USH2A: variants seen among roughly 807,000 people sequenced by gnomAD.
USH2A encodes the protein usherin, also known as Usher syndrome 2A (autosomal recessive, mild).
In USH2A, 443 loss-of-function variants were observed where a neutral mutation model predicts 538.9. That is an observed-to-expected ratio of 0.82 (90% CI 0.76 to 0.89). USH2A has a LOEUF of 0.89. Among genes scored for constraint, USH2A ranks in the 40% least tolerant of loss-of-function variants. USH2A has a pLI of 0.00. For missense variants in USH2A, 6,633 were observed against 6,324.8 expected (o/e 1.05, Z -1.65); for synonymous variants, 2,413 against 2,273.5 (o/e 1.06, Z -1.75).
intron 4 of USH2A, among the ~76,000 whole-genome samples, chr1:216,343,067 A>G (rs759551271): frequency 1.3e-5 from 2 of 152,098 alleles, no homozygotes; most frequent in Non-Finnish European, 2.9e-5. Context: ...TCAAGTTATT[A>G]AGACTAGCTG....
At chr1:216,185,613 T>C (rs1428352908) in intron 20 of USH2A, among the ~76,000 whole-genome samples, 1 of 151,906 alleles carries the variant, frequency 6.6e-6, no homozygotes, top group Non-Finnish European at 1.5e-5. Flanking sequence ...CCATTGGAGT[T>C]CATTGGAATA....
intron 61 of USH2A, among the ~76,000 whole-genome samples, chr1:215,699,893 A>T (rs941779060): frequency 6.6e-6 from 1 of 152,208 alleles, no homozygotes; most frequent in African/African-American, 2.4e-5. Context: ...CTGGTTTTCC[A>T]AGGGAATGCT....
chr1:216,141,361 GC>G (rs1346423135), intron 21 of USH2A, among the ~76,000 whole-genome samples: 3 of 152,186 alleles, frequency 2.0e-5, no homozygotes, highest in Non-Finnish European at 4.4e-5. Context: ...CCTGGGGAAG[GC>G]TGGCACCCTA....
intron 24 of USH2A, among the ~76,000 whole-genome samples, chr1:216,085,383 TA>T (rs1283418413): frequency 6.6e-6 from 1 of 151,908 alleles, no homozygotes; most frequent in Non-Finnish European, 1.5e-5. Flanking sequence ...GGTGGCTTTA[TA>T]AATACAGTGA....
intron 4 of USH2A, among the ~76,000 whole-genome samples, chr1:216,355,858 G>A (rs932304796): frequency 3.3e-5 from 5 of 151,982 alleles, no homozygotes; most frequent in African/African-American, 9.7e-5. Context: ...TGGCCATTAT[G>A]TTAAAATTTT....
intron 49 of USH2A, among the ~76,000 whole-genome samples, chr1:215,803,490 C>A (rs1180034155): frequency 2.0e-5 from 3 of 152,130 alleles, no homozygotes; most frequent in African/African-American, 7.2e-5. Context: ...ACACCAATAA[C>A]AGACAAGTAG....
At chr1:216,067,554 A>G (rs2031421496) in intron 30 of USH2A, among the ~76,000 whole-genome samples, 1 of 152,112 alleles carries the variant, frequency 6.6e-6, no homozygotes, top group African/African-American at 2.4e-5. Flanking sequence ...TGTCCAGGAA[A>G]AAGATGGTAG....
intron 55 of USH2A, among the ~76,000 whole-genome samples, chr1:215,776,680 C>T (rs1661479097): frequency 6.6e-6 from 1 of 152,166 alleles, no homozygotes; most frequent in Admixed American, 6.5e-5. Flanking sequence ...CTAGGGGGTT[C>T]AGGCAGCATT....
At chr1:215,689,575 A>G (rs1658535333) in intron 61 of USH2A, among the ~76,000 whole-genome samples, 1 of 152,220 alleles carries the variant, frequency 6.6e-6, no homozygotes, top group Non-Finnish European at 1.5e-5. Context: ...ACTGCCATAA[A>G]TATGGCAGAC....
In USH2A at chr1:216,171,361, C is replaced by T. The variant is rs76740697; in HGVS notation, c.4627+3891G>A. On this transcript the variant is annotated intron_variant, in intron 21 of 71. Transcript: ENST00000307340. ...TTAGACACTCAGAAAAGTAGTTTGC[C>T]CAAGTCCTCACCACTAAGTCAATTA... is the stretch of plus-strand genomic sequence containing the variant. Among the ~76,000 whole-genome samples the T allele has an allele frequency of 3.0e-3, 455 of 151,798 alleles. 1 individual carries two copies. The highest frequency in any genetic ancestry group is 0.01 in the African/African-American group (435 of 41,436).
chr1:215,739,811 G>A (rs975994934), intron 60 of USH2A, among the ~76,000 whole-genome samples: 32 of 152,066 alleles, frequency 2.1e-4, no homozygotes, highest in Admixed American at 1.2e-3. Context: ...GAAGACTGAT[G>A]TGAATCAAAG....
intron 21 of USH2A, among the ~76,000 whole-genome samples, chr1:216,147,444 G>T (rs1230869749): frequency 6.6e-6 from 1 of 152,094 alleles, no homozygotes; most frequent in Non-Finnish European, 1.5e-5. Flanking sequence ...TCCCAAATCA[G>T]ATAGCGTTTA....
At chr1:216,217,638 G>T (rs994107346) in intron 14 of USH2A, 88 bp from the exon 15 acceptor site, 3 of 1,492,244 alleles carry the variant, frequency 2.0e-6, no homozygotes, top group African/African-American at 2.8e-5. Context: ...TAGCATTGTA[G>T]AGTAAGACGG....
chr1:215,860,373 C>T (rs1664283938), intron 44 of USH2A, among the ~76,000 whole-genome samples: 1 of 152,026 alleles, frequency 6.6e-6, no homozygotes, highest in African/African-American at 2.4e-5. Flanking sequence ...GTGGCCCACC[C>T]CCTGCAAGCT....
intron 11 of USH2A, among the ~76,000 whole-genome samples, chr1:216,273,392 A>G (rs2036611057): frequency 6.6e-6 from 1 of 152,062 alleles, no homozygotes; most frequent in African/African-American, 2.4e-5. Context: ...CTGAGGAGAA[A>G]TCATTGAGAG....
At chr1:216,238,256 C>T (rs894696844) in intron 13 of USH2A, among the ~76,000 whole-genome samples, 2 of 152,058 alleles carry the variant, frequency 1.3e-5, no homozygotes, top group African/African-American at 4.8e-5. Flanking sequence ...TTGTTTTATT[C>T]CAAAGCTACA....
chr1:216,101,763 A>T (rs2032584677), intron 21 of USH2A, among the ~76,000 whole-genome samples: 1 of 152,236 alleles, frequency 6.6e-6, no homozygotes, highest in African/African-American at 2.4e-5. Context: ...TCTAGTGTTT[A>T]AACAATAGAG....
intron 32 of USH2A, among the ~76,000 whole-genome samples, chr1:216,008,711 C>T (rs1229308491): frequency 6.6e-6 from 1 of 152,204 alleles, no homozygotes; most frequent in Non-Finnish European, 1.5e-5. Context: ...GGTAAGCAAC[C>T]TCTTCTTACT....
chr1:216,187,953 A>G (rs746104697), intron 20 of USH2A, among the ~76,000 whole-genome samples: 2 of 151,950 alleles, frequency 1.3e-5, no homozygotes, highest in African/African-American at 2.4e-5. Context: ...TTCCCCTCAC[A>G]TATATGAATA....
Sources: allele counts gnomAD v4.1 joint callset (sites outside exome capture counted in the v4.1 genomes callset), GRCh38; gene constraint gnomAD v4.1.1; transcripts MANE v1.5; gene names NCBI Gene and HGNC (gene_info 2026-07-23, HGNC 2026-07-21).